Variants in AHCTF1 observed in about 807,000 individuals in gnomAD.
The protein encoded by AHCTF1 is AT-hook containing transcription factor 1.
In AHCTF1, 24 loss-of-function variants were observed where a neutral mutation model predicts 248.4. The observed-to-expected ratio is 0.10, with a 90% CI of 0.07 to 0.14. The LOEUF is 0.14. AHCTF1 is among the 10% of genes least tolerant of loss of function. The pLI is 1.00. For synonymous variants in AHCTF1, 786 were observed against 929.8 expected, an observed-to-expected ratio of 0.85 and a Z score of 2.81; for missense variants, 2,206 against 2,636.2, an observed-to-expected ratio of 0.84 and a Z score of 3.57.
chr1:246,842,514 A>G (rs1377863601), intron 35 of AHCTF1, among the ~76,000 whole-genome samples, 180 bp downstream of exon 35: 2 of 152,084 alleles, frequency 1.3e-5, no homozygotes, highest in African/African-American at 4.8e-5. Context: ...CCTGGGAGGC[A>G]GAGGTTGCAG....
chr1:246,859,911 T>C (rs1661403610), intron 29 of AHCTF1, among the ~76,000 whole-genome samples: 1 of 152,160 alleles, frequency 6.6e-6, no homozygotes, highest in South Asian at 2.1e-4. Flanking sequence ...GAGAGTAGAA[T>C]GAAATTCTTA....
At chr1:246,912,715 G>A (rs572143526) in intron 4 of AHCTF1, among the ~76,000 whole-genome samples, 3 of 152,278 alleles carry the variant, frequency 2.0e-5, no homozygotes, top group African/African-American at 7.2e-5. Context: ...CTTTGAATCT[G>A]AATAGAATTA....
At chr1:246,888,921 G>C (rs1322320623) in intron 17 of AHCTF1, among the ~76,000 whole-genome samples, 1 of 152,096 alleles carries the variant, frequency 6.6e-6, no homozygotes, top group Non-Finnish European at 1.5e-5. Context: ...AGAGAGGAGA[G>C]AATTGGGAAT....
chr1:246,848,716 T>C (rs1389696965), intron 33 of AHCTF1, among the ~76,000 whole-genome samples: 2 of 150,490 alleles, frequency 1.3e-5, no homozygotes, highest in South Asian at 4.2e-4. Flanking sequence ...TACAAAAAAT[T>C]AGCCAGGCCT....
chr1:246,868,897 T>C (rs539304749), intron 24 of AHCTF1, among the ~76,000 whole-genome samples: 164 of 147,722 alleles, frequency 1.1e-3, no homozygotes, highest in South Asian at 2.3e-3. Context: ...CAGGTTGGAG[T>C]GCAGTGGTGT....
At chr1:246,869,606 AATCTAC>A (rs1662416391) in intron 24 of AHCTF1, among the ~76,000 whole-genome samples, 1 of 152,154 alleles carries the variant, frequency 6.6e-6, no homozygotes. Context: ...AATGATGGGA[AATCTAC>A]TATGCCTGTC....
At chr1:246,926,988 C>T (rs563645165) in intron 1 of AHCTF1, among the ~76,000 whole-genome samples, 1 of 151,478 alleles carries the variant, frequency 6.6e-6, no homozygotes, top group Non-Finnish European at 1.5e-5. Context: ...TCCTGGCTAA[C>T]AAGGTGAAAT....
chr1:246,852,799 C>T, intron 32 of AHCTF1, among the ~76,000 whole-genome samples: 1 of 151,778 alleles, frequency 6.6e-6, no homozygotes, highest in Non-Finnish European at 1.5e-5. Flanking sequence ...GTTATGTTGC[C>T]CAGGCTGGTC....
intron 11 of AHCTF1, 41 bp from the exon 12 acceptor site, chr1:246,898,377 T>TAA: frequency 1.9e-6 from 3 of 1,556,232 alleles, no homozygotes; most frequent in Non-Finnish European, 2.6e-6. Flanking sequence ...CAATGCTCAA[T>TAA]TTGAATAATC....
At chr1:246,913,011 A>G (rs1258233745) in intron 4 of AHCTF1, among the ~76,000 whole-genome samples, 1 of 152,228 alleles carries the variant, frequency 6.6e-6, no homozygotes, top group Non-Finnish European at 1.5e-5. Flanking sequence ...TTGAGAACAT[A>G]TGAACACCTG....
intron 29 of AHCTF1, among the ~76,000 whole-genome samples, chr1:246,858,956 G>A (rs537276345): frequency 2.1e-4 from 32 of 152,260 alleles, no homozygotes; most frequent in East Asian, 1.9e-4. Context: ...GGCCAGGACC[G>A]GTGGCGCATG....
intron 33 of AHCTF1, among the ~76,000 whole-genome samples, chr1:246,847,011 G>C (rs1023039694): frequency 3.3e-5 from 5 of 152,146 alleles, no homozygotes; most frequent in Non-Finnish European, 7.4e-5. Context: ...TGAAGGCTGG[G>C]CACAGTGGCT....
chr1:246,909,317 T>C (rs896742045), intron 4 of AHCTF1, among the ~76,000 whole-genome samples: 1 of 134,654 alleles, frequency 7.4e-6, no homozygotes, highest in Non-Finnish European at 1.5e-5. Flanking sequence ...CTTGGGAGGC[T>C]GAGGCAGAAG....
chr1:246,885,237 CA>C (rs1442267422), intron 21 of AHCTF1, among the ~76,000 whole-genome samples: 2 of 152,076 alleles, frequency 1.3e-5, no homozygotes, highest in Non-Finnish European at 2.9e-5. Context: ...CCATGGATAC[CA>C]AAATCCACAC....
chr1:246,868,070 C>G (rs1005120484), intron 24 of AHCTF1, among the ~76,000 whole-genome samples: 12 of 151,674 alleles, frequency 7.9e-5, no homozygotes, highest in African/African-American at 2.4e-4. Flanking sequence ...TCAAGCGATT[C>G]TCCTGCCTCA....
At chr1:246,898,853 C>T (rs10157601) in intron 11 of AHCTF1, among the ~76,000 whole-genome samples, 3,716 of 152,272 alleles carry the variant, frequency 0.024, 171 homozygotes, top group African/African-American at 0.084. Flanking sequence ...TTCGGGAGGC[C>T]GAGGCAGGCG....
chr1:246,842,061 C>G (rs193112182), intron 35 of AHCTF1, among the ~76,000 whole-genome samples: 2 of 151,038 alleles, frequency 1.3e-5, no homozygotes, highest in Admixed American at 6.6e-5. Flanking sequence ...CCAAAGTGCT[C>G]GGATTACAGG....
intron 4 of AHCTF1, 88 bp downstream of exon 4, chr1:246,913,144 T>C: frequency 8.9e-7 from 1 of 1,119,972 alleles, no homozygotes; most frequent in Non-Finnish European, 1.2e-6. Flanking sequence ...TTACTCCAGC[T>C]GCTATAAAAA....
At chr1:246,908,663 G>A (rs1304203743) in intron 4 of AHCTF1, among the ~76,000 whole-genome samples, 10 of 151,252 alleles carry the variant, frequency 6.6e-5, no homozygotes, top group African/African-American at 2.2e-4. Context: ...CAAGGTGGGC[G>A]GATCACAAGG....
Sources: gnomAD v4.1 joint callset for allele counts (sites outside exome capture counted in the v4.1 genomes callset) on GRCh38, gnomAD v4.1.1 for gene constraint, MANE v1.5 for transcripts, NCBI Gene and HGNC (gene_info 2026-07-23, HGNC 2026-07-21) for gene names.